The following DPP10 variants were observed in gnomAD, a reference collection of about 807,000 sequenced individuals.
DPP10 encodes the protein dipeptidyl peptidase like 10, also known as inactive dipeptidyl peptidase 10.
Under a neutral mutation model 120.9 loss-of-function variants are expected in DPP10, and 33 were observed. The ratio of observed to expected loss-of-function variants is 0.27; its 90% CI spans 0.21 to 0.37. The LOEUF is 0.37. DPP10 is among the 10% of genes least tolerant of loss of function. DPP10 has a pLI of 1.00. For missense variants in DPP10, 816 were observed against 942.8 expected, an observed-to-expected ratio of 0.87 and a Z score of 1.76; for synonymous variants, 337 against 326.1, an observed-to-expected ratio of 1.03 and a Z score of -0.36.
intron 9 of DPP10, among the ~76,000 whole-genome samples, chr2:115,745,204 ATAC>A: frequency 6.7e-6 from 1 of 148,290 alleles, no homozygotes; most frequent in East Asian, 2.0e-4. Context: ...CTGGGTTTAA[ATAC>A]TAACTTTCTC....
chr2:114,713,720 G>C (rs1350283148), intron 1 of DPP10, among the ~76,000 whole-genome samples: 1 of 152,178 alleles, frequency 6.6e-6, no homozygotes, highest in East Asian at 1.9e-4. Flanking sequence ...GCTGGGCGCA[G>C]TGGCTCATGC....
intron 1 of DPP10, chr2:115,162,111 G>A: frequency 6.6e-7 from 1 of 1,513,620 alleles, no homozygotes; most frequent in Non-Finnish European, 8.8e-7. Context: ...TTCCCAGGCT[G>A]GGCTCCCGCG....
chr2:115,831,311 C>T (rs1263984422), intron 21 of DPP10, among the ~76,000 whole-genome samples: 4 of 152,020 alleles, frequency 2.6e-5, no homozygotes, highest in African/African-American at 7.2e-5. Context: ...TGCAGTGGCG[C>T]GATTTCAGCT....
At chr2:115,586,590 C>G (rs2082303689) in intron 5 of DPP10, among the ~76,000 whole-genome samples, 1 of 152,166 alleles carries the variant, frequency 6.6e-6, no homozygotes, top group Non-Finnish European at 1.5e-5. Flanking sequence ...TGCCTGTTTT[C>G]CCACAGGCTC....
chr2:115,644,014 A>G (rs971442763), intron 5 of DPP10, among the ~76,000 whole-genome samples: 4 of 152,272 alleles, frequency 2.6e-5, no homozygotes, highest in Middle Eastern at 3.4e-3. Context: ...TGACTGGCCA[A>G]TCAGGTCAGT....
rs1447361566 is a variant in DPP10 at position 114,471,918 on chromosome 2, A to G, written c.60+29080A>G. Among the ~76,000 whole-genome samples the G allele has an allele frequency of 4.6e-5, 7 of 152,246 alleles. No homozygotes were observed. The South Asian group carries it at 1.0e-3, about 22-fold the overall frequency. On this transcript the variant is annotated intron_variant, in intron 1 of 25. Transcript: ENST00000410059. ...TTAGAAAACAAACCACAGGATTGGT[A>G]GGATCTGAAAGTTGTCACAGCTTCA... is the stretch of plus-strand genomic sequence containing the variant.
intron 3 of DPP10, among the ~76,000 whole-genome samples, chr2:115,447,489 C>A (rs1460173652): frequency 6.6e-6 from 1 of 151,972 alleles, no homozygotes; most frequent in Non-Finnish European, 1.5e-5. Context: ...ATGGTTTGTC[C>A]CTGTGTTCCT....
At chr2:115,777,764 G>C in intron 14 of DPP10, 23 bp from the exon 15 acceptor site, 2 of 1,612,496 alleles carry the variant, frequency 1.2e-6, no homozygotes, top group Non-Finnish European at 1.7e-6. Flanking sequence ...TCTAATGCTT[G>C]TGTTGTTTTC....
intron 1 of DPP10, among the ~76,000 whole-genome samples, chr2:115,157,748 TA>T (rs1192018021): frequency 3.3e-5 from 5 of 152,228 alleles, no homozygotes; most frequent in Non-Finnish European, 7.3e-5. Context: ...GCTATTTCTT[TA>T]TCTGCAAAGA....
At chr2:115,742,098 G>A (rs939724891) in intron 9 of DPP10, among the ~76,000 whole-genome samples, 1 of 151,920 alleles carries the variant, frequency 6.6e-6, no homozygotes, top group Non-Finnish European at 1.5e-5. Flanking sequence ...CCACTTGTTT[G>A]TTTTTTTCTT....
chr2:115,288,281 T>C (rs2060487297), intron 1 of DPP10, among the ~76,000 whole-genome samples: 1 of 152,176 alleles, frequency 6.6e-6, no homozygotes, highest in African/African-American at 2.4e-5. Flanking sequence ...TGATGATTAG[T>C]GATGTTGAAC....
chr2:115,024,234 C>T (rs761739139), intron 1 of DPP10, among the ~76,000 whole-genome samples: 1 of 152,098 alleles, frequency 6.6e-6, no homozygotes, highest in Non-Finnish European at 1.5e-5. Flanking sequence ...TTATAGACAG[C>T]ATATAGTTGA....
intron 1 of DPP10, among the ~76,000 whole-genome samples, chr2:115,100,009 A>C (rs2048600226): frequency 6.6e-6 from 1 of 152,182 alleles, no homozygotes; most frequent in Admixed American, 6.6e-5. Flanking sequence ...AGAAAAGGCA[A>C]ATCTATTCTT....
chr2:115,536,606 C>T (rs1036735286), intron 5 of DPP10, among the ~76,000 whole-genome samples: 1 of 151,956 alleles, frequency 6.6e-6, no homozygotes, highest in Non-Finnish European at 1.5e-5. Flanking sequence ...TAAATGTATG[C>T]TTCCCCAGTA....
At chr2:114,932,268 T>C (rs1484907546) in intron 1 of DPP10, among the ~76,000 whole-genome samples, 1 of 152,206 alleles carries the variant, frequency 6.6e-6, no homozygotes, top group African/African-American at 2.4e-5. Context: ...ATCTAAAAGC[T>C]AAACATTTTT....
chr2:115,620,110 G>T (rs2149277983), intron 5 of DPP10, among the ~76,000 whole-genome samples: 1 of 152,284 alleles, frequency 6.6e-6, no homozygotes. Context: ...TCAGCAGAAT[G>T]AGTGGTACAC....
intron 5 of DPP10, among the ~76,000 whole-genome samples, chr2:115,655,361 T>C (rs1000040997): frequency 1.3e-5 from 2 of 151,744 alleles, no homozygotes; most frequent in Non-Finnish European, 1.5e-5. Flanking sequence ...AAAGCACTCA[T>C]GAATACCTAG....
chr2:114,639,137 G>A (rs143514958), intron 1 of DPP10, among the ~76,000 whole-genome samples: 1,633 of 151,924 alleles, frequency 0.011, 72 homozygotes, highest in African/African-American at 0.037. Flanking sequence ...AAAGGAAAGA[G>A]GTTTAATTGA....
chr2:115,379,686 A>G (rs1344858147), intron 3 of DPP10, among the ~76,000 whole-genome samples: 1 of 152,152 alleles, frequency 6.6e-6, no homozygotes, highest in East Asian at 1.9e-4. Flanking sequence ...TCTTGTGGGC[A>G]TTTAGTGCTA....
Sources: gnomAD v4.1 joint callset for allele counts (sites outside exome capture counted in the v4.1 genomes callset) on GRCh38, gnomAD v4.1.1 for gene constraint, MANE v1.5 for transcripts, NCBI Gene and HGNC (gene_info 2026-07-23, HGNC 2026-07-21) for gene names.